Variants in HPN observed in about 807,000 individuals in gnomAD.
HPN encodes hepsin.
In HPN, 13 loss-of-function variants were observed where a neutral mutation model predicts 55.9. The ratio of observed to expected loss-of-function variants is 0.23; its 90% CI spans 0.15 to 0.37. HPN has a LOEUF of 0.37. Among genes scored for constraint, HPN ranks in the 10% least tolerant of loss-of-function variants. HPN has a pLI of 1.00. For synonymous variants in HPN, 225 were observed against 240.3 expected, an observed-to-expected ratio of 0.94 and a Z score of 0.59; for missense variants, 451 against 575.8, an observed-to-expected ratio of 0.78 and a Z score of 2.22.
At chr19:35,060,104 G>T in intron 6 of HPN, 25 bp from the exon 7 acceptor site, 4 of 1,614,110 alleles carry the variant, frequency 2.5e-6, no homozygotes, top group Non-Finnish European at 3.4e-6. Flanking sequence ...CTTTCTTTCT[G>T]TGTCTCCAAT....
chr19:35,052,672 G>T (rs949365014), intron 4 of HPN, among the ~76,000 whole-genome samples: 2 of 152,076 alleles, frequency 1.3e-5, no homozygotes, highest in African/African-American at 4.8e-5. Context: ...CAGACTCTAT[G>T]GCCTCTCACC....
chr19:35,054,147 G>A (rs1277194461), intron 4 of HPN, among the ~76,000 whole-genome samples: 1 of 152,220 alleles, frequency 6.6e-6, no homozygotes, highest in African/African-American at 2.4e-5. Flanking sequence ...GCTGGGCACA[G>A]TGGCTCACGC....
At chr19:35,065,447 T>C in intron 10 of HPN, 92 bp from the exon 11 acceptor site, 1 of 1,561,478 alleles carries the variant, frequency 6.4e-7, no homozygotes, top group South Asian at 1.2e-5. Context: ...CCATGAGGAG[T>C]AGGGACGCTG....
chr19:35,050,141 A>G (rs1219832451), intron 4 of HPN, among the ~76,000 whole-genome samples: 1 of 152,180 alleles, frequency 6.6e-6, no homozygotes, highest in Non-Finnish European at 1.5e-5. Flanking sequence ...GTTTTAAAAA[A>G]GAAAAAAGTC....
At chr19:35,048,067 AG>A (rs1295224228) in intron 2 of HPN, among the ~76,000 whole-genome samples, 5 of 52,656 alleles carry the variant, frequency 9.5e-5, no homozygotes, top group Admixed American at 7.8e-4. Context: ...AAAGAAAGAA[AG>A]AAAGAAAGAA....
intron 9 of HPN, 94 bp downstream of exon 9, chr19:35,060,911 A>C: frequency 2.6e-5 from 28 of 1,079,484 alleles, no homozygotes; most frequent in Non-Finnish European, 3.4e-5. Flanking sequence ...CTTATGGCTC[A>C]GGCATCCTTG....
chr19:35,045,318 C>T (rs1266708103), intron 2 of HPN, among the ~76,000 whole-genome samples: 5 of 151,926 alleles, frequency 3.3e-5, no homozygotes, highest in African/African-American at 9.7e-5. Flanking sequence ...GCCTCAGAGG[C>T]GGGAAGGAAA....
intron 9 of HPN, 26 bp downstream of exon 9, chr19:35,060,843 G>A: frequency 6.5e-7 from 1 of 1,532,988 alleles, no homozygotes; most frequent in Non-Finnish European, 8.8e-7. Context: ...GAGCCATGGG[G>A]CTTGAGGACC....
intron 2 of HPN, among the ~76,000 whole-genome samples, chr19:35,043,975 T>C (rs1238282093): frequency 6.6e-6 from 1 of 151,936 alleles, no homozygotes; most frequent in South Asian, 2.1e-4. Flanking sequence ...GGGCTAGGGG[T>C]GTGGAGGTCG....
At chr19:35,050,225 C>T (rs368215377) in intron 4 of HPN, among the ~76,000 whole-genome samples, 4 of 152,150 alleles carry the variant, frequency 2.6e-5, no homozygotes, top group African/African-American at 9.7e-5. Flanking sequence ...CAGGTTCAAG[C>T]GATTCTCCTG....
Position 35,066,544 on chromosome 19 carries a change from T to G in HPN, c.*257T>G. 1 of 536,424 alleles carries G rather than the reference T, an allele frequency of 1.9e-6. No individual in the cohort carries two copies. Among genetic ancestry groups the G allele is most frequent in the Non-Finnish European group, 3.3e-6 (1 of 302,636 alleles). 33.2% of individuals were successfully genotyped at this position (536,424 alleles called of 1,614,324 possible). ...CTAGGTGCCCCTGATGACGGGATGC[T>G]CTTTAAATAATAAAGATGGTTTTGA... On this transcript the variant is annotated 3_prime_UTR_variant, in exon 13 of 13. Coordinates refer to ENST00000672452, the MANE Select transcript of HPN (RefSeq NM_001384133.1).
chr19:35,065,772 G>A, intron 11 of HPN, 91 bp downstream of exon 11: 1 of 1,597,216 alleles, frequency 6.3e-7, no homozygotes. Context: ...CCATCTAAAA[G>A]CCTGAGGGCT....
Position 35,065,533 on chromosome 19 carries a change from C to T in HPN, c.908-6C>T. 3.7e-6 allele frequency: 6 copies of T among 1,613,792 alleles called. No homozygotes were observed. Among genetic ancestry groups the T allele is most frequent in the Non-Finnish European group, 5.1e-6 (6 of 1,179,904 alleles). On this transcript the variant is annotated splice_polypyrimidine_tract_variant and splice_region_variant and intron_variant, in intron 10 of 12. Coordinates refer to ENST00000672452, the MANE Select transcript of HPN (RefSeq NM_001384133.1). ...GCTCTGGCCAGCCTTGCCTGCACAC[C>T]CCCAGGCCAACAGGCCGGGGTACTC...
chr19:35,060,800 G>A lies in HPN; in HGVS notation c.794G>A (p.Ser265Asn). The stretch of plus-strand genomic sequence containing the variant: ...GATATTGCCCTGGTCCACCTCTCCA[G>A]TCCCCTGCCCCTCACAGGTAAGTCT... ...SNDIALVHLS[S>N]PLPLTEYIQP... Residue 265 changes from serine (S) to asparagine (N), a missense_variant, in exon 9 of 13, where the codon AGT becomes AAT. Ser to Asn is a conservative substitution (Grantham distance 46, BLOSUM62 1). Coordinates refer to ENST00000672452, the MANE Select transcript of HPN (RefSeq NM_001384133.1). 6.3e-7 allele frequency: 1 copy of A among 1,589,696 alleles called. No homozygotes were observed.
intron 11 of HPN, 70 bp from the exon 12 acceptor site, chr19:35,065,798 A>T: frequency 6.5e-7 from 1 of 1,533,322 alleles, no homozygotes; most frequent in East Asian, 2.4e-5. Flanking sequence ...GCCACAGCCC[A>T]TGTCATCCCG....
At chr19:35,044,848 C>A (rs537418535) in intron 2 of HPN, among the ~76,000 whole-genome samples, 4 of 151,848 alleles carry the variant, frequency 2.6e-5, no homozygotes, top group Non-Finnish European at 5.9e-5. Flanking sequence ...GTGGAGGGTG[C>A]GCTAGAAGGG....
chr19:35,050,210 C>G (rs1439641896), intron 4 of HPN, among the ~76,000 whole-genome samples: 2 of 152,144 alleles, frequency 1.3e-5, no homozygotes, highest in African/African-American at 4.8e-5. Flanking sequence ...GCAACCTCTG[C>G]CTCCCAGGTT....
rs995553271 is a variant in HPN, at chr19:35,054,788, T to C, written c.161-4885T>C. Among the ~76,000 whole-genome samples, 11 of 152,222 alleles carry C rather than the reference T, an allele frequency of 7.2e-5. No individual in the cohort carries two copies. In the South Asian group the frequency reaches 1.0e-3, roughly 14 times the overall value. ...GGGTGTGCGACGAGGCCTTGGTTGA[T>C]GGTGGGGCAGAGGTAGCCTAGCCCC... is the stretch of plus-strand genomic sequence containing the variant. On this transcript the variant is annotated intron_variant, in intron 4 of 12. Transcript: ENST00000672452.
At chr19:35,055,869 C>T (rs1340872322) in intron 4 of HPN, among the ~76,000 whole-genome samples, 2 of 152,196 alleles carry the variant, frequency 1.3e-5, no homozygotes, top group Non-Finnish European at 2.9e-5. Context: ...TCCCCACTTG[C>T]AGCCAGAGGG....
Sources: allele counts gnomAD v4.1 joint callset (sites outside exome capture counted in the v4.1 genomes callset), GRCh38; gene constraint gnomAD v4.1.1; transcripts MANE v1.5; gene names NCBI Gene and HGNC (gene_info 2026-07-23, HGNC 2026-07-21).